IL31: variants seen among roughly 807,000 people sequenced by gnomAD.
IL31 encodes the protein interleukin-31.
A neutral mutation model predicts 7.8 loss-of-function variants in IL31; 8 were observed. The observed-to-expected ratio is 1.02, with a 90% CI of 0.60 to 1.84. The LOEUF is 1.84. IL31 is among the 40% of genes most tolerant of loss of function. IL31 has a pLI of 0.00. For synonymous variants in IL31, 87 were observed against 86.5 expected, an observed-to-expected ratio of 1.01 and a Z score of -0.03; for missense variants, 162 against 205.6, an observed-to-expected ratio of 0.79 and a Z score of 1.30.
Position 122,172,631 on chromosome 12 carries a change from G to A in IL31, c.276C>T (p.Leu92=). 1 of 1,614,140 alleles carries A rather than the reference G, an allele frequency of 6.2e-7. No individual in the cohort carries two copies. Among genetic ancestry groups the A allele is most frequent in the Non-Finnish European group, 8.5e-7 (1 of 1,180,026 alleles). The change falls in exon 3 of 3, where the codon CTC becomes CTT. Residue 92 remains leucine (L), a synonymous_variant. Transcript: ENST00000377035. ...TGTTGTCTAGCTGTCTGATTGTCTT[G>A]AGATATGCCCGGATGGCTGGGCTGT... ...NIHSPAIRAY[L]KTIRQLDNKS...
Position 122,174,159 on chromosome 12 carries a change from G to C in IL31, c.14C>G (p.Ser5Ter). MASH[S>*]GPSTSVLFLF... The stretch of plus-strand genomic sequence containing the variant: ...GGAAGCACCAGGACCAGTGATACCT[G>C]AGTGAGAGGCCATGGCGAGAGAGAG... The change falls in exon 1 of 3, where the codon TCA becomes TGA. Residue 5 changes from serine to a stop codon, truncating the protein, a stop_gained and splice_region_variant. Coordinates refer to ENST00000377035, the MANE Select transcript of IL31 (RefSeq NM_001014336.2). LOFTEE classifies it high-confidence loss of function. 1.2e-6 allele frequency: 2 copies of C among 1,614,170 alleles called. No homozygotes were observed. The highest frequency in any genetic ancestry group is 2.2e-5 in the East Asian group (1 of 44,882).
chr12:122,172,372 G>T lies in IL31; in HGVS notation c.*40C>A, dbSNP rs1178220444. 7.0e-7 allele frequency: 1 copy of T among 1,421,720 alleles called. No individual in the cohort carries two copies. Among genetic ancestry groups the T allele is most frequent in the Non-Finnish European group, 9.8e-7 (1 of 1,025,298 alleles). 88.1% of individuals were successfully genotyped at this position (1,421,720 alleles called of 1,614,324 possible). ...CTTAGCTGTCGGTCATCTTTTTAAG[G>T]CTCCTTAAGTTCCTGCCAATCCGAA... On this transcript the variant is annotated 3_prime_UTR_variant, in exon 3 of 3. Transcript: ENST00000377035.
At chr12:122,174,098 A>T in intron 1 of IL31, 59 bp downstream of exon 1, 1 of 1,613,968 alleles carries the variant, frequency 6.2e-7, no homozygotes, top group Non-Finnish European at 8.5e-7. Flanking sequence ...TGCTTCCAGA[A>T]TCTTCCTGGT....
At chr12:122,173,280 A>G (rs1321386404) in intron 2 of IL31, among the ~76,000 whole-genome samples, 1 of 152,158 alleles carries the variant, frequency 6.6e-6, no homozygotes, top group Non-Finnish European at 1.5e-5. Flanking sequence ...GTTGGTAACA[A>G]CCTCTGCCTT....
At position 122,172,461 on chromosome 12, in the gene IL31, T is replaced by C. The variant is rs1314644204; in HGVS notation, c.446A>G (p.Asp149Gly). 6.2e-7 allele frequency: 1 copy of C among 1,614,098 alleles called. No individual in the cohort carries two copies. Among genetic ancestry groups the C allele is most frequent in the African/African-American group, 1.3e-5 (1 of 75,008 alleles). The change falls in exon 3 of 3, where the codon GAC becomes GGC. Residue 149 changes from aspartate to glycine, a missense_variant. Asp to Gly is a moderately conservative substitution (Grantham distance 94). Coordinates refer to ENST00000377035, the MANE Select transcript of IL31 (RefSeq NM_001014336.2). ...TISQQFSECM[D>G]LALKSLTSGA... ...AGAGGTCAATGATTTTAGTGCGAGG[T>C]CCATGCACTCTGAAAACTGTTGAGA...
rs1351112145 is a variant in IL31, at chr12:122,172,594, C to G, written c.313G>C (p.Asp105His). Reference sequence around the variant, plus strand: ...TTGTCGAGGTGCTCTATGATCTCATCAATAACAGATTTGTTGTCTAGCTGT... The same window carrying G: ...TTGTCGAGGTGCTCTATGATCTCATGAATAACAGATTTGTTGTCTAGCTGT... ...IRQLDNKSVI[D>H]EIIEHLDKLI... The change falls in exon 3 of 3, where the codon GAT becomes CAT. Residue 105 changes from aspartate to histidine, a missense_variant. Physicochemically the swap from Asp to His is moderately conservative, Grantham distance 81 (BLOSUM62 -1). Coordinates refer to ENST00000377035, the MANE Select transcript of IL31 (RefSeq NM_001014336.2). 3.1e-6 allele frequency: 5 copies of G among 1,614,056 alleles called. No individual in the cohort carries two copies. In the African/African-American group the frequency reaches 6.7e-5, roughly 22 times the overall value.
In IL31 at chr12:122,172,564, T is replaced by C. The variant is rs1465420417; in HGVS notation, c.343A>G (p.Ile115Val). The C allele has an allele frequency of 4.3e-6, 7 of 1,614,208 alleles. No homozygotes were observed. The highest frequency in any genetic ancestry group is 1.1e-5 in the South Asian group (1 of 91,086). ...DEIIEHLDKL[I>V]FQDAPETNIS... ...TTTGTTTCTGGTGCATCTTGAAATA[T>C]GAGTTTGTCGAGGTGCTCTATGATC... Residue 115 changes from isoleucine (I) to valine (V), a missense_variant, in exon 3 of 3, where the codon ATA becomes GTA. Transcript: ENST00000377035.
At chr12:122,174,064 C>A (rs1273379477) in intron 1 of IL31, 72 bp from the exon 2 acceptor site, 3 of 1,613,200 alleles carry the variant, frequency 1.9e-6, no homozygotes, top group Non-Finnish European at 2.5e-6. Context: ...CCCTGCAGCC[C>A]TGCTGAGCCA....
intron 2 of IL31, 41 bp from the exon 3 acceptor site, chr12:122,172,782 G>T: frequency 6.8e-7 from 1 of 1,479,022 alleles, no homozygotes; most frequent in Non-Finnish European, 9.2e-7. Flanking sequence ...GGTTTGCAAT[G>T]ACAGCTGCAA....
intron 2 of IL31, 50 bp from the exon 3 acceptor site, chr12:122,172,791 A>C (rs140664709): frequency 1.4e-6 from 2 of 1,400,634 alleles, no homozygotes; most frequent in Non-Finnish European, 2.0e-6. Context: ...TGACAGCTGC[A>C]AGTCTTAACA....
At position 122,172,718 on chromosome 12, in the gene IL31, G is replaced by A. The variant is rs757429634; in HGVS notation, c.189C>T (p.Leu63=). Residue 63 remains leucine, a synonymous_variant, in exon 3 of 3, where the codon CTC becomes CTT. Transcript: ENST00000377035. ...ACGGCAGCGTGTAATTCTGGGACAC[G>A]AGCACGCCCTTCTCTTCCTCCACCT... ...LKDVEEEKGV[L]VSQNYTLPCL... is the part of the protein sequence containing the mutation. 8 of 1,612,460 alleles carry A rather than the reference G, an allele frequency of 5.0e-6. No homozygotes were observed. Among genetic ancestry groups the A allele is most frequent in the South Asian group, 1.1e-5 (1 of 90,928 alleles).
chr12:122,172,488 A>G lies in IL31; in HGVS notation c.419T>C (p.Ile140Thr). The change falls in exon 3 of 3, where the codon ATT becomes ACT. Residue 140 changes from isoleucine to threonine, a missense_variant. By Grantham distance (89) the Ile-to-Thr change is moderately conservative. Coordinates refer to ENST00000377035, the MANE Select transcript of IL31 (RefSeq NM_001014336.2). ...CATGCACTCTGAAAACTGTTGAGAA[A>G]TAGTCAGGATGAAGCGTTTACATTC... ...THECKRFILT[I>T]SQQFSECMDL... is the part of the protein sequence containing the mutation. 4 of 1,614,192 alleles carry G rather than the reference A, an allele frequency of 2.5e-6. No homozygotes were observed. The highest frequency in any genetic ancestry group is 3.4e-6 in the Non-Finnish European group (4 of 1,180,028).
rs749201129 is a variant in IL31 at position 122,172,415 on chromosome 12, A to C, written c.492T>G (p.Thr164=). The part of the protein sequence containing the change: ...SLTSGAQQAT[T] ...AATCCGAAAGGAAGAGATGGCCTTA[A>C]GTGGTGGCCTGTTGGGCTCCAGAGG... is the stretch of plus-strand genomic sequence containing the variant. Residue 164 remains threonine (T), a synonymous_variant, in exon 3 of 3, where the codon ACT becomes ACG. Coordinates refer to ENST00000377035, the MANE Select transcript of IL31 (RefSeq NM_001014336.2). 2.5e-6 allele frequency: 4 copies of C among 1,609,768 alleles called. No individual in the cohort carries two copies. Among genetic ancestry groups the C allele is most frequent in the African/African-American group, 1.3e-5 (1 of 74,708 alleles).
Position 122,172,161 on chromosome 12 carries a change from AAGT to A in IL31, c.*248_*250del. ...CCTCCCACCCTCACGAGGGTATAAT[AAGT>A]AAGACTTAAGCCTGCAGAAGAAAAG... On this transcript the variant is annotated 3_prime_UTR_variant, in exon 3 of 3. Coordinates refer to ENST00000377035, the MANE Select transcript of IL31 (RefSeq NM_001014336.2). 2.4e-6 allele frequency: 1 copy of A among 412,348 alleles called. No homozygotes were observed. The highest frequency in any genetic ancestry group is 6.9e-4 in the Middle Eastern group (1 of 1,458). The allele number at this position is 412,348 out of a possible 1,614,324, so 25.5% of individuals were successfully genotyped here. A position where few individuals can be genotyped will look rare whatever the true frequency, so the allele number is the denominator to read the frequency against.
Position 122,172,504 on chromosome 12 carries a change from G to A in IL31, c.403C>T (p.Arg135Cys), listed in dbSNP as rs374682998. ...TGTTGAGAAATAGTCAGGATGAAGCGTTTACATTCATGGGTGTCTGTTGGC... is the reference window on the plus strand; with the variant it reads ...TGTTGAGAAATAGTCAGGATGAAGCATTTACATTCATGGGTGTCTGTTGGC... ...SVPTDTHECK[R>C]FILTISQQFS... The change falls in exon 3 of 3, where the codon CGC becomes TGC. Residue 135 changes from arginine to cysteine, a missense_variant. By Grantham distance (180) the Arg-to-Cys change is radical. Transcript: ENST00000377035. The A allele has an allele frequency of 1.3e-5, 21 of 1,613,996 alleles. No individual in the cohort carries two copies. The highest frequency in any genetic ancestry group is 5.0e-5 in the Admixed American group (3 of 60,000).
intron 1 of IL31, 43 bp downstream of exon 1, chr12:122,174,114 A>G: frequency 3.1e-6 from 5 of 1,614,112 alleles, no homozygotes; most frequent in Non-Finnish European, 3.4e-6. Context: ...CTGGTGAGAT[A>G]AGATGATGCC....
chr12:122,173,966 A>T lies in IL31; in HGVS notation c.43T>A (p.Phe15Ile). 1 of 1,614,054 alleles carries T rather than the reference A, an allele frequency of 6.2e-7. No individual in the cohort carries two copies. The highest frequency in any genetic ancestry group is 2.2e-5 in the East Asian group (1 of 44,896). Residue 15 changes from phenylalanine to isoleucine, a missense_variant, in exon 2 of 3, where the codon TTC becomes ATC. Phe to Ile is a conservative substitution (Grantham distance 21). Coordinates refer to ENST00000377035, the MANE Select transcript of IL31 (RefSeq NM_001014336.2). ...SGPSTSVLFLFCCLGGWLASH... is the reference protein window; with the variant it reads ...SGPSTSVLFLICCLGGWLASH... ...GCCAGCCAGCCTCCCAGGCAGCAGA[A>T]CAGAAAGAGCACAGACGTCGAGGGG... is the stretch of plus-strand genomic sequence containing the variant.
At chr12:122,172,768 G>A (rs1953498798) in intron 2 of IL31, 27 bp from the exon 3 acceptor site, 5 of 1,556,830 alleles carry the variant, frequency 3.2e-6, no homozygotes, top group African/African-American at 1.4e-5. Context: ...AATGGTCAGT[G>A]TTGGGTTTGC....
At position 122,174,214 on chromosome 12, in the gene IL31, G is replaced by A. The variant is rs1953517400; in HGVS notation, c.-42C>T. The A allele has an allele frequency of 1.2e-6, 2 of 1,613,568 alleles. No homozygotes were observed. Among genetic ancestry groups the A allele is most frequent in the Non-Finnish European group, 1.7e-6 (2 of 1,179,768 alleles). ...GCCAGCTTCAGTGGGGGCTTCTGGA[G>A]CCAGATGTGTTCGCCATGGCTGCCT... On this transcript the variant is annotated 5_prime_UTR_variant, in exon 1 of 3. Transcript: ENST00000377035.
Sources: gnomAD v4.1 joint callset for allele counts (sites outside exome capture counted in the v4.1 genomes callset) on GRCh38, gnomAD v4.1.1 for gene constraint, MANE v1.5 for transcripts, NCBI Gene and HGNC (gene_info 2026-07-23, HGNC 2026-07-21) for gene names.